CTBP2: variants seen among roughly 807,000 people sequenced by gnomAD.
CTBP2 encodes C-terminal-binding protein 2.
Under a neutral mutation model 80.3 loss-of-function variants are expected in CTBP2, and 30 were observed. That is an observed-to-expected ratio of 0.37 (90% CI 0.28 to 0.51). CTBP2 has a LOEUF of 0.51. Ranked by LOEUF, CTBP2 falls within the 20% of genes least tolerant of loss-of-function variation. The pLI, the probability that CTBP2 is intolerant of heterozygous loss-of-function variation, is 0.93. For missense variants in CTBP2, 1,212 were observed against 1,375.3 expected (o/e 0.88, Z 1.88); for synonymous variants, 594 against 587.4 (o/e 1.01, Z -0.16).
upstream of CTBP2, among the ~76,000 whole-genome samples, chr10:125,030,600 G>C (rs1204643111): frequency 1.3e-5 from 2 of 152,244 alleles, no homozygotes; most frequent in South Asian, 2.1e-4. Context: ...TGCTTGAAAT[G>C]AGAGAGAAAA....
intron 1 of CTBP2, among the ~76,000 whole-genome samples, chr10:125,157,651 AG>A (rs1179614165): frequency 2.7e-5 from 4 of 148,558 alleles, no homozygotes; most frequent in Non-Finnish European, 4.5e-5. Context: ...GGGTAGGGGG[AG>A]GGGGTGACCC....
chr10:125,155,733 C>G (rs1303382303), intron 1 of CTBP2, among the ~76,000 whole-genome samples: 1 of 151,166 alleles, frequency 6.6e-6, no homozygotes, highest in Non-Finnish European at 1.5e-5. Context: ...TTCCATCAAA[C>G]ACAGACTTGA....
In CTBP2 at chr10:124,994,550, C is replaced by T. The variant is rs770316204; in HGVS notation, c.2319G>A (p.Leu773=). 1 of 1,614,052 alleles carries T rather than the reference C, an allele frequency of 6.2e-7. No homozygotes were observed. The highest frequency in any genetic ancestry group is 2.2e-5 in the East Asian group (1 of 44,892). ...GCAAGGAGACGCAGTCGCTCTGATACAGCAAATCCTGCAGGGTGTAGACCC... is the reference window on the plus strand; with the variant it reads ...GCAAGGAGACGCAGTCGCTCTGATATAGCAAATCCTGCAGGGTGTAGACCC... Residue 773 remains leucine (L), a synonymous_variant, in exon 5 of 9, where the codon CTG becomes CTA. Transcript: ENST00000309035.
intron 1 of CTBP2, among the ~76,000 whole-genome samples, chr10:125,010,894 T>C (rs1196782634): frequency 6.6e-6 from 1 of 152,128 alleles, no homozygotes; most frequent in Non-Finnish European, 1.5e-5. Context: ...TACAACCAGG[T>C]AGGAAAAAGC....
chr10:125,134,838 G>A (rs1178484267), intron 1 of CTBP2, among the ~76,000 whole-genome samples: 1 of 151,710 alleles, frequency 6.6e-6, no homozygotes, highest in Non-Finnish European at 1.5e-5. Flanking sequence ...GTCAGGCATA[G>A]CCCTCCCCAC....
intron 1 of CTBP2, among the ~76,000 whole-genome samples, chr10:125,010,720 A>G (rs1051337545): frequency 2.6e-5 from 4 of 152,218 alleles, no homozygotes; most frequent in Non-Finnish European, 4.4e-5. Context: ...GCACTGGAAG[A>G]CAGCATGAGG....
chr10:125,147,570 T>C (rs968459186), intron 1 of CTBP2, among the ~76,000 whole-genome samples: 4 of 152,098 alleles, frequency 2.6e-5, no homozygotes, highest in African/African-American at 9.7e-5. Flanking sequence ...TCCCCTTCCC[T>C]ACCACAGGGC....
chr10:125,138,195 C>T (rs938220208), intron 1 of CTBP2: 8 of 152,184 alleles, frequency 5.3e-5, no homozygotes, highest in Admixed American at 1.3e-4. Flanking sequence ...GTGTCCACAA[C>T]GCAGCCTCCG....
Position 125,123,691 on chromosome 10 carries a change from C to T in CTBP2, c.-205-12598G>A, listed in dbSNP as rs567882132. ...GTGTCCTCCGGCTCCCCAGGGGCCC[C>T]GGGGTGCATCCTGTCTCTCGAGAAG... On this transcript the variant is annotated intron_variant, in intron 1 of 10. Coordinates refer to the CTBP2 transcript ENST00000337195. Among the ~76,000 whole-genome samples the T allele has an allele frequency of 9.2e-5, 14 of 152,286 alleles. No individual in the cohort carries two copies. In the East Asian group the frequency reaches 1.9e-3, roughly 21 times the overall value.
intron 1 of CTBP2, among the ~76,000 whole-genome samples, chr10:125,135,952 C>T (rs1343252680): frequency 1.3e-5 from 2 of 152,238 alleles, no homozygotes; most frequent in African/African-American, 2.4e-5. Context: ...CAGCCCATCC[C>T]TTCCGGCCCA....
chr10:125,127,454 G>A (rs756630380), intron 1 of CTBP2, among the ~76,000 whole-genome samples: 2 of 152,160 alleles, frequency 1.3e-5, no homozygotes, highest in African/African-American at 2.4e-5. Context: ...TCTCTCAAAC[G>A]CCTATCAAAA....
At chr10:125,005,701 G>T in intron 1 of CTBP2, 1 of 1,612,912 alleles carries the variant, frequency 6.2e-7, no homozygotes, top group South Asian at 1.1e-5. Flanking sequence ...TAAGAAAATG[G>T]TACAACTGCC....
intron 2 of CTBP2, among the ~76,000 whole-genome samples, chr10:125,040,000 C>A (rs2936544): frequency 1.3e-5 from 2 of 152,114 alleles, no homozygotes; most frequent in African/African-American, 4.8e-5. Flanking sequence ...GGAAGAGGAG[C>A]TGCTGCCCAT....
At chr10:125,069,085 C>T (rs1011140766) in intron 2 of CTBP2, among the ~76,000 whole-genome samples, 3 of 152,184 alleles carry the variant, frequency 2.0e-5, no homozygotes, top group Non-Finnish European at 4.4e-5. Context: ...CAAACAGTCT[C>T]GGGGCTGGCC....
chr10:125,043,190 G>A (rs1960334433), intron 2 of CTBP2, among the ~76,000 whole-genome samples: 1 of 152,186 alleles, frequency 6.6e-6, no homozygotes, highest in South Asian at 2.1e-4. Context: ...AAGGAAAAAC[G>A]GCACATTTTA....
intron 1 of CTBP2, among the ~76,000 whole-genome samples, chr10:125,007,437 AG>A: frequency 6.6e-6 from 1 of 152,388 alleles, no homozygotes; most frequent in East Asian, 1.9e-4. Context: ...AGACAACACC[AG>A]GCCAAACTGC....
chr10:124,993,983 C>T lies in CTBP2; in HGVS notation c.2403G>A (p.Met801Ile). The T allele has an allele frequency of 6.2e-7, 1 of 1,614,022 alleles. No individual in the cohort carries two copies. Among genetic ancestry groups the T allele is most frequent in the African/African-American group, 1.3e-5 (1 of 75,060 alleles). ...CGTTCACAAGGAATGCTCCCTGCCT[C>T]ATCTGTGGAAGGAAAGAAAAGCCGG... Residue 801 changes from methionine to isoleucine, a missense_variant and splice_region_variant, in exon 6 of 9, where the codon ATG (methionine) becomes ATA (isoleucine). Met to Ile is a conservative substitution (Grantham distance 10). Coordinates refer to ENST00000309035, the MANE Select transcript of CTBP2 (RefSeq NM_022802.3).
In CTBP2 at chr10:125,027,616, C is replaced by G. The variant is rs563918888; in HGVS notation, c.144G>C (p.Gly48=). 1.2e-6 allele frequency: 2 copies of G among 1,614,014 alleles called. No individual in the cohort carries two copies. Among genetic ancestry groups the G allele is most frequent in the Admixed American group, 1.7e-5 (1 of 60,022 alleles). The change falls in exon 1 of 9, where the codon GGG becomes GGC. Residue 48 remains glycine (G), a synonymous_variant. Coordinates refer to ENST00000309035, the MANE Select transcript of CTBP2 (RefSeq NM_022802.3). ...GTCGGTGGTTTGGCTCAAACCAAGT[C>G]CCCTCTGCTGTGCCATACGTCAGGG...
chr10:125,141,618 GCACATGGCAAGCACACAGTAAA>G (rs879784452), intron 1 of CTBP2, among the ~76,000 whole-genome samples: 1 of 152,008 alleles, frequency 6.6e-6, no homozygotes, highest in Non-Finnish European at 1.5e-5. Context: ...CACACAGTAA[GCACATGGCAAGCACACAGTAAA>G]CACACGGCAA....
Sources: allele counts gnomAD v4.1 joint callset (sites outside exome capture counted in the v4.1 genomes callset), GRCh38; gene constraint gnomAD v4.1.1; transcripts MANE v1.5; gene names NCBI Gene and HGNC (gene_info 2026-07-23, HGNC 2026-07-21).